The following SCN3A variants were observed in gnomAD, a reference collection of about 807,000 sequenced individuals.
SCN3A encodes sodium channel protein type 3 subunit alpha.
SCN3A carries 60 observed loss-of-function variants against 187.6 expected under a neutral mutation model. The ratio of observed to expected loss-of-function variants is 0.32; its 90% CI spans 0.26 to 0.40. The LOEUF (loss-of-function observed/expected upper bound fraction) is 0.40, where lower values mean the gene tolerates loss of function less well. SCN3A is among the 10% of genes least tolerant of loss of function. The pLI, the probability that SCN3A is intolerant of heterozygous loss-of-function variation, is 1.00. For missense variants in SCN3A, 1,601 were observed against 2,428.2 expected (o/e 0.66, Z 7.16); for synonymous variants, 788 against 829.2 (o/e 0.95, Z 0.85).
At chr2:165,172,978 T>C (rs1270704316) in intron 3 of SCN3A, among the ~76,000 whole-genome samples, 3 of 152,148 alleles carry the variant, frequency 2.0e-5, no homozygotes, top group Admixed American at 1.3e-4. Flanking sequence ...TGAAGAGATA[T>C]ACCTAAACTG....
chr2:165,174,185 A>G (rs1293103108), intron 3 of SCN3A, among the ~76,000 whole-genome samples: 2 of 152,206 alleles, frequency 1.3e-5, no homozygotes, highest in African/African-American at 4.8e-5. Context: ...CTAGGATTAC[A>G]GGTGTGGGCC....
In SCN3A at chr2:165,170,404, T is replaced by G. The variant is rs202045736; in HGVS notation, c.383+26A>C. 22 of 1,240,482 alleles carry G rather than the reference T, an allele frequency of 1.8e-5. No homozygotes were observed. The South Asian group carries it at 1.9e-4, about 11-fold the overall frequency. 76.8% of individuals were successfully genotyped at this position (1,240,482 alleles called of 1,614,324 possible). On this transcript the variant is annotated intron_variant, in intron 4 of 27. Coordinates refer to ENST00000283254, the MANE Select transcript of SCN3A (RefSeq NM_006922.4). ...TAAAATCAACTGTTAGAAATAGCATTTAGGCAATTCACATTAAAAGGATAT... is the reference window on the plus strand; with the variant it reads ...TAAAATCAACTGTTAGAAATAGCATGTAGGCAATTCACATTAAAAGGATAT...
intron 2 of SCN3A, among the ~76,000 whole-genome samples, chr2:165,184,083 G>A (rs1691068712): frequency 6.6e-6 from 1 of 152,034 alleles, no homozygotes; most frequent in Non-Finnish European, 1.5e-5. Flanking sequence ...TTCACTGAGA[G>A]CTAATGATTG....
At position 165,127,899 on chromosome 2, in the gene SCN3A, C is replaced by A. The variant is rs747148406; in HGVS notation, c.3125G>T (p.Gly1042Val). The change falls in exon 18 of 28, where the codon GGC (glycine) becomes GTC (valine). Residue 1042 changes from glycine to valine, a missense_variant. Physicochemically the swap from Gly to Val is moderately radical, Grantham distance 109. This residue lies in a region of SCN3A where 267 missense variants were observed against 313.2 expected (regional missense o/e 0.85). Coordinates refer to ENST00000283254, the MANE Select transcript of SCN3A (RefSeq NM_006922.4). ...GGACATGCAGCTGTCTATCTTATTGCCTTCATGGATTTCTATAACTTTTGG... is the reference window on the plus strand; with the variant it reads ...GGACATGCAGCTGTCTATCTTATTGACTTCATGGATTTCTATAACTTTTGG... ...RKPKVIEIHEGNKIDSCMSNN... is the reference protein window; with the variant it reads ...RKPKVIEIHEVNKIDSCMSNN... 2 of 1,613,954 alleles carry A rather than the reference C, an allele frequency of 1.2e-6. No individual in the cohort carries two copies. The highest frequency in any genetic ancestry group is 3.3e-5 in the Admixed American group (2 of 60,008).
Position 165,128,426 on chromosome 2 carries a change from C to CGAGA in SCN3A, c.2923-329_2923-326dup, listed in dbSNP as rs35511955. Among the ~76,000 whole-genome samples the CGAGA allele has an allele frequency of 6.9e-4, 98 of 141,264 alleles. 1 individual carries two copies. Among genetic ancestry groups the CGAGA allele is most frequent in the Middle Eastern group, 3.6e-3 (1 of 280 alleles). 92.7% of individuals were successfully genotyped at this position (141,264 alleles called of 152,430 possible). ...ATCCTACCCTCAAGGATTCTGCCAA[C>CGAGA]GAGAGAGAGAGAGAGAGAGAGAGAA... On this transcript the variant is annotated intron_variant, in intron 17 of 27. Transcript: ENST00000283254.
At chr2:165,168,604 A>G (rs1689922258) in intron 5 of SCN3A, 132 bp downstream of exon 5, 3 of 725,822 alleles carry the variant, frequency 4.1e-6, no homozygotes, top group Non-Finnish European at 7.5e-6. Flanking sequence ...AACTTCCCTT[A>G]TCTTCTTTCA....
chr2:165,194,226 A>T (rs1328285240), intron 1 of SCN3A, among the ~76,000 whole-genome samples: 1 of 152,136 alleles, frequency 6.6e-6, no homozygotes, highest in African/African-American at 2.4e-5. Context: ...GAGATCTCAG[A>T]TGTTTCGTGT....
At chr2:165,125,429 G>C (rs940162361) in intron 18 of SCN3A, among the ~76,000 whole-genome samples, 1 of 151,778 alleles carries the variant, frequency 6.6e-6, no homozygotes, top group Non-Finnish European at 1.5e-5. Context: ...TCAGCCTCCC[G>C]AGTAGCTGGG....
chr2:165,137,490 A>G (rs907970662), intron 15 of SCN3A, among the ~76,000 whole-genome samples: 2 of 152,114 alleles, frequency 1.3e-5, no homozygotes, highest in Admixed American at 6.6e-5. Context: ...TTTTTCATAT[A>G]CATCAATCTT....
intron 11 of SCN3A, among the ~76,000 whole-genome samples, chr2:165,148,544 A>G (rs1688491197): frequency 6.6e-6 from 1 of 152,090 alleles, no homozygotes; most frequent in African/African-American, 2.4e-5. Context: ...TAAAATTACT[A>G]TGCTGCAAAT....
intron 16 of SCN3A, 60 bp downstream of exon 16, chr2:165,131,184 G>T: frequency 9.4e-7 from 1 of 1,062,604 alleles, no homozygotes; most frequent in Non-Finnish European, 1.3e-6. Flanking sequence ...AATATACATT[G>T]ATTCAATTTC....
chr2:165,103,228 G>T (rs972509677), intron 21 of SCN3A, among the ~76,000 whole-genome samples: 2 of 152,126 alleles, frequency 1.3e-5, no homozygotes, highest in African/African-American at 4.8e-5. Context: ...TGAAGATAAT[G>T]ACTACATTGG....
intron 15 of SCN3A, among the ~76,000 whole-genome samples, chr2:165,131,795 C>G (rs1433370300): frequency 7.3e-6 from 1 of 136,894 alleles, no homozygotes; most frequent in Non-Finnish European, 1.5e-5. Context: ...TGTTCCCCTT[C>G]CTGTGTCCAT....
intron 12 of SCN3A, among the ~76,000 whole-genome samples, chr2:165,141,541 G>A (rs1323602497): frequency 6.6e-6 from 1 of 152,040 alleles, no homozygotes; most frequent in Non-Finnish European, 1.5e-5. Flanking sequence ...CTCTTCTTTT[G>A]AATTCTGAAA....
intron 18 of SCN3A, among the ~76,000 whole-genome samples, chr2:165,122,239 CTT>C (rs1286913407): frequency 2.3e-5 from 3 of 128,900 alleles, no homozygotes; most frequent in Admixed American, 8.3e-5. Flanking sequence ...TCTTTTTTTT[CTT>C]TTTTTTTTTT....
chr2:165,095,708 C>T (rs1685333616), intron 24 of SCN3A, 60 bp from the exon 25 acceptor site: 30 of 1,000,304 alleles, frequency 3.0e-5, no homozygotes, highest in Non-Finnish European at 4.3e-5. Flanking sequence ...TACACTAAAT[C>T]AGTAATTTAT....
At chr2:165,195,436 T>A (rs987657769) in intron 1 of SCN3A, 2 of 152,162 alleles carry the variant, frequency 1.3e-5, no homozygotes, top group African/African-American at 4.8e-5. Flanking sequence ...AGACTTTTTT[T>A]AGAACAATTT....
intron 21 of SCN3A, among the ~76,000 whole-genome samples, chr2:165,111,577 A>G (rs542531688): frequency 6.6e-6 from 1 of 150,760 alleles, no homozygotes; most frequent in Non-Finnish European, 1.5e-5. Flanking sequence ...AGTTAGGCAG[A>G]AAATCTATGA....
chr2:165,162,364 A>G lies in SCN3A; in HGVS notation c.975T>C (p.Phe325=). ...WKDYIGDDSH[F]YVLDGQKDPL... ...GGTCTTTTTGCCCATCCAAAACATA[A>G]AAGTGACCTGTTAATACAAAAAAAA... The change falls in exon 9 of 28, where the codon TTT becomes TTC. Residue 325 remains phenylalanine, a synonymous_variant. Coordinates refer to ENST00000283254, the MANE Select transcript of SCN3A (RefSeq NM_006922.4). 1.2e-6 allele frequency: 2 copies of G among 1,613,786 alleles called. No individual in the cohort carries two copies. The highest frequency in any genetic ancestry group is 1.3e-5 in the African/African-American group (1 of 74,988).
Sources: gnomAD v4.1 joint callset for allele counts (sites outside exome capture counted in the v4.1 genomes callset) on GRCh38, gnomAD v4.1.1 for gene constraint, gnomAD v4.1.1 regional missense constraint, MANE v1.5 for transcripts, NCBI Gene and HGNC (gene_info 2026-07-23, HGNC 2026-07-21) for gene names.